COX11: variants seen among roughly 807,000 people sequenced by gnomAD.
The protein encoded by COX11 is cytochrome c oxidase assembly protein COX11, mitochondrial.
In COX11, 18 loss-of-function variants were observed where a neutral mutation model predicts 29.4. The observed-to-expected ratio is 0.61, with a 90% CI of 0.42 to 0.91. COX11 has a LOEUF of 0.91. Ranked by LOEUF, COX11 falls within the 40% of genes least tolerant of loss-of-function variation. The pLI, the probability that COX11 is intolerant of heterozygous loss-of-function variation, is 0.00. For synonymous variants in COX11, 131 were observed against 124.0 expected (o/e 1.06, Z -0.38); for missense variants, 312 against 346.0 (o/e 0.90, Z 0.78).
At chr17:54,959,082 T>C (rs1020562715), downstream of COX11, 5 of 152,136 alleles carry the variant, frequency 3.3e-5, no homozygotes, top group South Asian at 2.1e-4. Flanking sequence ...CCAGAGAGTT[T>C]AGAGGTTTGA....
At chr17:54,967,555 A>G (rs1300285451) in intron 1 of COX11, among the ~76,000 whole-genome samples, 1 of 152,126 alleles carries the variant, frequency 6.6e-6, no homozygotes, top group Non-Finnish European at 1.5e-5. Flanking sequence ...CTTAACTAAA[A>G]TATAGAGTGC....
At chr17:54,956,120 A>G (rs538459681), downstream of COX11, among the ~76,000 whole-genome samples, 5 of 152,210 alleles carry the variant, frequency 3.3e-5, no homozygotes, top group Non-Finnish European at 5.9e-5. Flanking sequence ...TCATCTGGTA[A>G]TAGACAACTC....
chr17:54,968,683 CGA>C (rs779042276), upstream of COX11: 13 of 1,583,946 alleles, frequency 8.2e-6, no homozygotes, highest in Middle Eastern at 1.7e-4. Context: ...CTCTCAGGGA[CGA>C]GAGGTCAAAT....
chr17:54,954,651 C>A (rs188029529), exon 1 of COX11: 1 of 152,338 alleles, frequency 6.6e-6, no homozygotes, highest in Admixed American at 6.5e-5. Context: ...AGTTAGAGGG[C>A]CTCACTTCTC....
intron 1 of COX11, among the ~76,000 whole-genome samples, chr17:54,966,323 G>A (rs980523940): frequency 6.6e-6 from 1 of 152,194 alleles, no homozygotes; most frequent in Non-Finnish European, 1.5e-5. Flanking sequence ...CTCTATTCTA[G>A]TTGTGCTACT....
At chr17:54,955,926 G>T (rs577497442), downstream of COX11, among the ~76,000 whole-genome samples, 28 of 152,292 alleles carry the variant, frequency 1.8e-4, 2 homozygotes, top group African/African-American at 6.7e-4. Flanking sequence ...TAGACACCAG[G>T]TCAGGGGTCC....
At position 54,962,107 on chromosome 17, in the gene COX11, T is replaced by C; in HGVS notation, c.*626A>G. The C allele has an allele frequency of 1.0e-6, 1 of 961,472 alleles. No individual in the cohort carries two copies. The highest frequency in any genetic ancestry group is 1.2e-6 in the Non-Finnish European group (1 of 807,874). The allele number at this position is 961,472 out of a possible 1,614,324, so 59.6% of individuals were successfully genotyped here. Reference sequence around the variant, plus strand: ...GCCTAGTAGATGTATTTTATTTCAATTTTATGATACTACAGTTTCAAAGTA... The same window carrying C: ...GCCTAGTAGATGTATTTTATTTCAACTTTATGATACTACAGTTTCAAAGTA... On this transcript the variant is annotated 3_prime_UTR_variant, in exon 4 of 4. Transcript: ENST00000299335.
At chr17:54,965,910 A>G (rs1426640535) in intron 1 of COX11, among the ~76,000 whole-genome samples, 3 of 152,258 alleles carry the variant, frequency 2.0e-5, no homozygotes, top group South Asian at 4.1e-4. Flanking sequence ...TGATTTCTGG[A>G]TAATTTGCCT....
chr17:54,968,143 G>T, intron 1 of COX11, 138 bp downstream of exon 1: 1 of 1,362,642 alleles, frequency 7.3e-7, no homozygotes, highest in Non-Finnish European at 9.8e-7. Context: ...TGACTGTTTT[G>T]AACCTCTCTC....
chr17:54,966,326 G>T (rs1567858070), intron 1 of COX11, among the ~76,000 whole-genome samples: 1 of 152,190 alleles, frequency 6.6e-6, no homozygotes, highest in Non-Finnish European at 1.5e-5. Flanking sequence ...TATTCTAGTT[G>T]TGCTACTAGC....
At position 54,963,451 on chromosome 17, in the gene COX11, T is replaced by C; in HGVS notation, c.523-20A>G. On this transcript the variant is annotated intron_variant, in intron 2 of 3. Coordinates refer to ENST00000299335, the MANE Select transcript of COX11 (RefSeq NM_004375.5). ...CACCACCTGTTTTAAAGAATATATA[T>C]ATTATCAATACTTTGAATCTCACAA... 6.3e-7 allele frequency: 1 copy of C among 1,590,298 alleles called. No individual in the cohort carries two copies. Among genetic ancestry groups the C allele is most frequent in the South Asian group, 1.2e-5 (1 of 85,358 alleles).
At chr17:54,959,664 C>T (rs1335809334), downstream of COX11, among the ~76,000 whole-genome samples, 1 of 146,632 alleles carries the variant, frequency 6.8e-6, no homozygotes, top group East Asian at 2.0e-4. Flanking sequence ...GTAGCCCAGG[C>T]TGGAGTGCAG....
chr17:54,956,647 G>A (rs548514680), downstream of COX11: 1 of 152,176 alleles, frequency 6.6e-6, no homozygotes, highest in Admixed American at 6.6e-5. Flanking sequence ...GGGGGTCTGT[G>A]TTGCCCAGGC....
intron 2 of COX11, among the ~76,000 whole-genome samples, chr17:54,963,751 A>G (rs1161185096): frequency 6.6e-6 from 1 of 152,076 alleles, no homozygotes; most frequent in Non-Finnish European, 1.5e-5. Context: ...TCACAGCCCT[A>G]GCCCAACTTT....
intron 1 of COX11, among the ~76,000 whole-genome samples, chr17:54,966,480 T>A (rs777349051): frequency 7.9e-5 from 12 of 152,230 alleles, no homozygotes; most frequent in Non-Finnish European, 1.6e-4. Flanking sequence ...TTGGGCTGAA[T>A]AATTTTTTGT....
downstream of COX11, chr17:54,958,168 G>A (rs1288833473): frequency 6.6e-6 from 1 of 152,242 alleles, no homozygotes; most frequent in Non-Finnish European, 1.5e-5. Context: ...AAGTTAACAG[G>A]GAGCTCAGTA....
At position 54,963,410 on chromosome 17, in the gene COX11, G is replaced by A. The variant is rs1203152941; in HGVS notation, c.544C>T (p.Leu182=). 6.2e-7 allele frequency: 1 copy of A among 1,611,426 alleles called. No individual in the cohort carries two copies. The highest frequency in any genetic ancestry group is 2.2e-5 in the East Asian group (1 of 44,786). The part of the protein sequence containing the change: ...EIYVVPGETA[L]AFYRAKNPTD... The stretch of plus-strand genomic sequence containing the variant: ...GGATTCTTAGCTCTGTAAAACGCCA[G>A]TGCAGTCTCTCCTGGCACCACCTGT... The change falls in exon 3 of 4, where the codon CTG becomes TTG. Residue 182 remains leucine (L), a synonymous_variant. Transcript: ENST00000299335.
At chr17:54,968,144 A>C (rs1434500945) in intron 1 of COX11, 137 bp downstream of exon 1, 2 of 1,369,924 alleles carry the variant, frequency 1.5e-6, no homozygotes, top group African/African-American at 1.5e-5. Flanking sequence ...GACTGTTTTG[A>C]ACCTCTCTCC....
intron 1 of COX11, among the ~76,000 whole-genome samples, chr17:54,965,270 T>TTTTTCCATATTCCTGTCTGGTCC (rs1174502021): frequency 2.0e-5 from 3 of 152,244 alleles, no homozygotes. Flanking sequence ...CTTAACTCAA[T>TTTTTCCATATTCCTGTCTGGTCC]TTTTCCATAT....
Sources: gnomAD v4.1 joint callset for allele counts (sites outside exome capture counted in the v4.1 genomes callset) on GRCh38, gnomAD v4.1.1 for gene constraint, MANE v1.5 for transcripts, NCBI Gene and HGNC (gene_info 2026-07-23, HGNC 2026-07-21) for gene names.